TXNDC8: variants seen among roughly 807,000 people sequenced by gnomAD.
The protein encoded by TXNDC8 is thioredoxin domain containing 8.
TXNDC8 carries 15 observed loss-of-function variants against 12.9 expected under a neutral mutation model. The observed-to-expected ratio is 1.16, with a 90% confidence interval of 0.78 to 1.79. TXNDC8 has a LOEUF of 1.79. Among genes scored for constraint, TXNDC8 ranks in the 40% most tolerant of loss-of-function variants. TXNDC8 has a pLI of 0.00. For missense variants in TXNDC8, 128 were observed against 113.2 expected (o/e 1.13, Z -0.59); for synonymous variants, 40 against 35.4 (o/e 1.13, Z -0.46).
intron 2 of TXNDC8, among the ~76,000 whole-genome samples, chr9:110,328,056 TA>T (rs1839402097): frequency 6.6e-6 from 1 of 152,268 alleles, no homozygotes; most frequent in South Asian, 2.1e-4. Context: ...GTCATTTATT[TA>T]ATGTATTTTA....
chr9:110,329,034 T>G (rs1839447515), intron 2 of TXNDC8, among the ~76,000 whole-genome samples, 198 bp downstream of exon 3: 1 of 151,570 alleles, frequency 6.6e-6, no homozygotes, highest in African/African-American at 2.4e-5. Context: ...ATCTTTTTCT[T>G]GCTAATCTTT....
intron 3 of TXNDC8, among the ~76,000 whole-genome samples, chr9:110,306,747 T>A (rs950261432): frequency 3.3e-5 from 5 of 152,194 alleles, no homozygotes; most frequent in Non-Finnish European, 4.4e-5. Flanking sequence ...ATAACACTGC[T>A]TCCTGTCATC....
chr9:110,326,662 G>A (rs975922552), intron 2 of TXNDC8, among the ~76,000 whole-genome samples: 1 of 146,738 alleles, frequency 6.8e-6, no homozygotes, highest in Non-Finnish European at 1.6e-5. Context: ...GACGTGGAAC[G>A]CATCCTGATC....
At chr9:110,309,785 G>C (rs1838595873) in intron 3 of TXNDC8, among the ~76,000 whole-genome samples, 1 of 152,162 alleles carries the variant, frequency 6.6e-6, no homozygotes, top group African/African-American at 2.4e-5. Context: ...GTGGAGTGCT[G>C]CTTACAAGCA....
chr9:110,307,439 C>T (rs547134030), intron 3 of TXNDC8, among the ~76,000 whole-genome samples: 116 of 152,216 alleles, frequency 7.6e-4, no homozygotes, highest in Non-Finnish European at 1.5e-3. Context: ...CATACAGGAA[C>T]TTAATAGGTG....
chr9:110,301,413 A>G (rs1338190236), downstream of TXNDC8, among the ~76,000 whole-genome samples: 1 of 152,176 alleles, frequency 6.6e-6, no homozygotes, highest in East Asian at 1.9e-4. Context: ...TTATCAGACA[A>G]CTTTTGCTTT....
chr9:110,321,607 C>T (rs1014702797), intron 3 of TXNDC8, among the ~76,000 whole-genome samples: 2 of 151,692 alleles, frequency 1.3e-5, no homozygotes, highest in Non-Finnish European at 2.9e-5. Context: ...TTGCGCTGTC[C>T]CAGATAAAAG....
rs113033124 is a variant in TXNDC8 at position 110,315,433 on chromosome 9, C to T, written c.195+10742G>A. 6.3e-3 allele frequency among the ~76,000 whole-genome samples: 958 copies of T among 152,036 alleles called. 11 individuals are homozygous for T. The highest frequency in any genetic ancestry group is 0.022 in the African/African-American group (908 of 41,472). On this transcript the variant is annotated intron_variant, in intron 3 of 4. Coordinates refer to ENST00000423740, the MANE Select transcript of TXNDC8 (RefSeq NM_001286946.2). ...TTTTTTAATGCCAAAGACATTGAATCACCTGCAAAAATTCTAGTACTGCTG... is the reference window on the plus strand; with the variant it reads ...TTTTTTAATGCCAAAGACATTGAATTACCTGCAAAAATTCTAGTACTGCTG...
At chr9:110,337,394 A>G (rs115924995) in intron 1 of TXNDC8, among the ~76,000 whole-genome samples, 185 of 152,246 alleles carry the variant, frequency 1.2e-3, no homozygotes, top group African/African-American at 4.4e-3. Context: ...TGGGGTTTCT[A>G]TTATTTTTCC....
chr9:110,332,219 T>C (rs930308707), intron 2 of TXNDC8, among the ~76,000 whole-genome samples: 1 of 152,158 alleles, frequency 6.6e-6, no homozygotes, highest in Admixed American at 6.5e-5. Context: ...CAGAATATTC[T>C]TCATTTTTTA....
At chr9:110,331,214 A>G (rs1009726982) in intron 2 of TXNDC8, among the ~76,000 whole-genome samples, 9 of 152,158 alleles carry the variant, frequency 5.9e-5, no homozygotes, top group Non-Finnish European at 1.5e-5. Context: ...GGTCATGGGT[A>G]CTGGTTGTGC....
At chr9:110,319,911 AT>A (rs1480059105) in intron 3 of TXNDC8, among the ~76,000 whole-genome samples, 1 of 152,208 alleles carries the variant, frequency 6.6e-6, no homozygotes, top group Non-Finnish European at 1.5e-5. Flanking sequence ...CCTACAGTTC[AT>A]AAACATAAGG....
chr9:110,315,674 T>G (rs1356877385), intron 3 of TXNDC8, among the ~76,000 whole-genome samples: 1 of 149,644 alleles, frequency 6.7e-6, no homozygotes, highest in Non-Finnish European at 1.5e-5. Flanking sequence ...GCCTGGCTAA[T>G]TTTTGTATTT....
chr9:110,333,535 C>T (rs940093954), intron 2 of TXNDC8, among the ~76,000 whole-genome samples: 1 of 152,108 alleles, frequency 6.6e-6, no homozygotes, highest in African/African-American at 2.4e-5. Context: ...GTGTTGCACA[C>T]TTAAAAATTT....
chr9:110,328,783 G>A (rs1271281127), intron 2 of TXNDC8, among the ~76,000 whole-genome samples: 2 of 152,228 alleles, frequency 1.3e-5, no homozygotes, highest in African/African-American at 2.4e-5. Flanking sequence ...TCCAGCCTGG[G>A]TAACAAGAGT....
chr9:110,325,669 C>T (rs189504629), intron 3 of TXNDC8, among the ~76,000 whole-genome samples: 304 of 152,114 alleles, frequency 2.0e-3, no homozygotes, highest in Middle Eastern at 0.017. Context: ...TACAGGCGCC[C>T]GCCACCACGC....
At position 110,319,901 on chromosome 9, in the gene TXNDC8, C is replaced by T. The variant is rs1587971561; in HGVS notation, c.195+6274G>A. ...TGACTTTTATAATCTCAGCAAGAGC[C>T]CTACAGTTCATAAACATAAGGGCAC... On this transcript the variant is annotated intron_variant, in intron 3 of 4. Transcript: ENST00000423740. Among the ~76,000 whole-genome samples, 3 of 152,236 alleles carry T rather than the reference C, an allele frequency of 2.0e-5. No homozygotes were observed. The East Asian group carries it at 5.8e-4, about 29-fold the overall frequency.
At chr9:110,320,160 G>A (rs1227542124) in intron 3 of TXNDC8, among the ~76,000 whole-genome samples, 1 of 151,702 alleles carries the variant, frequency 6.6e-6, no homozygotes, top group Non-Finnish European at 1.5e-5. Flanking sequence ...CTAATTCTTG[G>A]TTTCTCTTTC....
At chr9:110,329,133 T>C in intron 2 of TXNDC8, 99 bp downstream of exon 3, 1 of 1,015,578 alleles carries the variant, frequency 9.8e-7, no homozygotes, top group Non-Finnish European at 1.5e-6. Context: ...TTCTAGTTGA[T>C]TTTAAATTGG....
Sources: allele counts gnomAD v4.1 joint callset (sites outside exome capture counted in the v4.1 genomes callset), GRCh38; gene constraint gnomAD v4.1.1; transcripts MANE v1.5; gene names NCBI Gene and HGNC (gene_info 2026-07-23, HGNC 2026-07-21).